Variants in ASTN1 observed in about 807,000 individuals in gnomAD.
The protein encoded by ASTN1 is astrotactin 1.
Under a neutral mutation model 140.7 loss-of-function variants are expected in ASTN1, and 41 were observed. The observed-to-expected ratio is 0.29, with a 90% CI of 0.23 to 0.38. The LOEUF is 0.38. Among genes scored for constraint, ASTN1 ranks in the 10% least tolerant of loss-of-function variants. The probability of loss-of-function intolerance (pLI) is 1.00; values close to 1 mark genes in which losing one functional copy is unlikely to be tolerated. For synonymous variants in ASTN1, 640 were observed against 652.2 expected (o/e 0.98, Z 0.29); for missense variants, 1,479 against 1,678.8 (o/e 0.88, Z 2.08).
intron 16 of ASTN1, among the ~76,000 whole-genome samples, chr1:176,927,079 A>G (rs1671001844): frequency 6.6e-6 from 1 of 152,032 alleles, no homozygotes; most frequent in Admixed American, 6.6e-5. Context: ...TAGGTGGTTT[A>G]CTCCTTTCTT....
chr1:177,011,730 C>T (rs1397986320), intron 8 of ASTN1, among the ~76,000 whole-genome samples: 4 of 151,538 alleles, frequency 2.6e-5, no homozygotes, highest in African/African-American at 7.3e-5. Flanking sequence ...CACACACATG[C>T]GTGCACACAC....
At chr1:177,061,056 G>A in intron 2 of ASTN1, 22 bp downstream of exon 2, 4 of 1,543,046 alleles carry the variant, frequency 2.6e-6, no homozygotes, top group South Asian at 1.3e-5. Context: ...GGCCTGAGAG[G>A]CTAAGGCTGT....
chr1:176,997,717 G>T (rs553153866), intron 8 of ASTN1, among the ~76,000 whole-genome samples: 1 of 152,222 alleles, frequency 6.6e-6, no homozygotes, highest in Admixed American at 6.5e-5. Context: ...TCTAGCACAG[G>T]TCAAGACAAG....
chr1:177,030,800 G>GCATA lies in ASTN1; in HGVS notation c.1012+2_1012+5dup, dbSNP rs1247130546. 6.2e-7 allele frequency: 1 copy of GCATA among 1,613,928 alleles called. No homozygotes were observed. The highest frequency in any genetic ancestry group is 1.7e-5 in the Admixed American group (1 of 60,002). On this transcript the variant is annotated splice_donor_region_variant and intron_variant, in intron 4 of 22. Coordinates refer to ENST00000361833, the MANE Select transcript of ASTN1 (RefSeq NM_004319.3). Reference sequence around the variant, plus strand: ...ACCCACGAGCCCTAATGTCAGACATGCATACCTCTTGCTTTGTTGTTGATC... The same window carrying GCATA: ...ACCCACGAGCCCTAATGTCAGACATGCATACATACCTCTTGCTTTGTTGTTGATC...
intron 1 of ASTN1, among the ~76,000 whole-genome samples, chr1:177,076,292 A>G (rs1399997734): frequency 1.3e-4 from 20 of 149,758 alleles, no homozygotes; most frequent in Admixed American, 4.0e-4. Flanking sequence ...AAAAAAAAAA[A>G]AAAGAAAGAA....
chr1:176,924,684 G>T (rs1670880294), intron 16 of ASTN1, among the ~76,000 whole-genome samples: 1 of 152,172 alleles, frequency 6.6e-6, no homozygotes, highest in Non-Finnish European at 1.5e-5. Flanking sequence ...AATCAATCAA[G>T]TTCTGAAGAC....
chr1:177,137,114 G>A (rs948808610), intron 1 of ASTN1, among the ~76,000 whole-genome samples: 6 of 152,120 alleles, frequency 3.9e-5, no homozygotes, highest in South Asian at 4.1e-4. Context: ...GAACAAGCAG[G>A]AAAGTATAAG....
intron 1 of ASTN1, among the ~76,000 whole-genome samples, chr1:177,154,321 T>C (rs1354500237): frequency 2.0e-5 from 3 of 152,182 alleles, no homozygotes; most frequent in East Asian, 1.9e-4. Context: ...ATATTCACTA[T>C]TCAATATGGT....
intron 2 of ASTN1, among the ~76,000 whole-genome samples, chr1:177,048,365 G>A (rs75974699): frequency 0.069 from 10,467 of 152,228 alleles, 457 homozygotes; most frequent in South Asian, 0.13. Context: ...TCCCAGCATT[G>A]TTAGTCAGCA....
chr1:176,995,929 G>A (rs1674417409), intron 8 of ASTN1, among the ~76,000 whole-genome samples: 1 of 152,130 alleles, frequency 6.6e-6, no homozygotes, highest in African/African-American at 2.4e-5. Flanking sequence ...GTGATGAAGA[G>A]GAGATGCTCC....
Position 176,864,136 on chromosome 1 carries a change from G to A in ASTN1, c.*148C>T. 6.7e-7 allele frequency: 1 copy of A among 1,484,534 alleles called. No homozygotes were observed. Among genetic ancestry groups the A allele is most frequent in the South Asian group, 1.4e-5 (1 of 71,910 alleles). 92.0% of individuals were successfully genotyped at this position (1,484,534 alleles called of 1,614,324 possible). ...ACATCATACTGAAGAAGTTCTGCAGGGAGCAAGGATCACTTTCTCCCTGGT... is the reference window on the plus strand; with the variant it reads ...ACATCATACTGAAGAAGTTCTGCAGAGAGCAAGGATCACTTTCTCCCTGGT... On this transcript the variant is annotated 3_prime_UTR_variant, in exon 23 of 23. Coordinates refer to ENST00000361833, the MANE Select transcript of ASTN1 (RefSeq NM_004319.3).
intron 8 of ASTN1, among the ~76,000 whole-genome samples, chr1:176,974,140 A>G (rs1214482718): frequency 6.6e-6 from 1 of 152,214 alleles, no homozygotes; most frequent in Non-Finnish European, 1.5e-5. Flanking sequence ...GGTGCTTTAT[A>G]TAAATTATAT....
chr1:177,125,505 T>A (rs1267038653), intron 1 of ASTN1, among the ~76,000 whole-genome samples: 1 of 152,208 alleles, frequency 6.6e-6, no homozygotes, highest in African/African-American at 2.4e-5. Context: ...GTTGCTTACC[T>A]AGATGTAGAG....
At chr1:177,016,445 T>C (rs1675552450) in intron 7 of ASTN1, among the ~76,000 whole-genome samples, 1 of 152,162 alleles carries the variant, frequency 6.6e-6, no homozygotes, top group South Asian at 2.1e-4. Flanking sequence ...TACTGAGCTA[T>C]ATCTAGAAAT....
chr1:177,055,692 T>C (rs1025806518), intron 2 of ASTN1, among the ~76,000 whole-genome samples: 3 of 152,222 alleles, frequency 2.0e-5, no homozygotes, highest in African/African-American at 7.2e-5. Context: ...TCTATCTCTG[T>C]CCTTTCTGGT....
At chr1:176,991,479 A>AAAAAAG (rs1674171997) in intron 8 of ASTN1, among the ~76,000 whole-genome samples, 1 of 145,870 alleles carries the variant, frequency 6.9e-6, no homozygotes, top group African/African-American at 2.5e-5. Flanking sequence ...AACAAAAAGA[A>AAAAAAG]ACGCTATAGA....
chr1:176,931,350 C>T (rs1314524438), intron 16 of ASTN1, among the ~76,000 whole-genome samples: 1 of 152,148 alleles, frequency 6.6e-6, no homozygotes, highest in African/African-American at 2.4e-5. Flanking sequence ...CCTGTAATCC[C>T]AGCTACTCTG....
intron 8 of ASTN1, among the ~76,000 whole-genome samples, chr1:176,996,300 CACACACACACAGAG>C (rs1674440079): frequency 1.4e-5 from 2 of 147,760 alleles, no homozygotes; most frequent in Non-Finnish European, 3.0e-5. Context: ...CACACACACA[CACACACACACAGAG>C]AGAGAGAGAG....
intron 16 of ASTN1, among the ~76,000 whole-genome samples, chr1:176,916,306 T>C (rs1303624071): frequency 6.6e-6 from 1 of 152,152 alleles, no homozygotes; most frequent in Non-Finnish European, 1.5e-5. Context: ...TGCCTGCAGC[T>C]CCAGAGTTGG....
Sources: allele counts gnomAD v4.1 joint callset (sites outside exome capture counted in the v4.1 genomes callset), GRCh38; gene constraint gnomAD v4.1.1; transcripts MANE v1.5; gene names NCBI Gene and HGNC (gene_info 2026-07-23, HGNC 2026-07-21).